NALCN: variants seen among roughly 807,000 people sequenced by gnomAD.
The protein encoded by NALCN is sodium leak channel NALCN.
NALCN carries 111 observed loss-of-function variants against 225.3 expected under a neutral mutation model. The observed-to-expected ratio is 0.49, with a 90% confidence interval of 0.42 to 0.58. The LOEUF is 0.58. NALCN is among the 20% of genes least tolerant of loss of function. NALCN has a pLI of 0.00. For synonymous variants in NALCN, 764 were observed against 769.0 expected, an observed-to-expected ratio of 0.99 and a Z score of 0.11; for missense variants, 1,378 against 2,202.4, an observed-to-expected ratio of 0.63 and a Z score of 7.49.
intron 12 of NALCN, among the ~76,000 whole-genome samples, chr13:101,233,837 C>A (rs999003129): frequency 6.6e-6 from 1 of 152,146 alleles, no homozygotes; most frequent in African/African-American, 2.4e-5. Flanking sequence ...AGGATGATAC[C>A]GATATGTAAG....
At chr13:101,123,805 T>C (rs1461961264) in intron 18 of NALCN, among the ~76,000 whole-genome samples, 3 of 152,206 alleles carry the variant, frequency 2.0e-5, no homozygotes, top group Non-Finnish European at 4.4e-5. Flanking sequence ...TATAGTAATA[T>C]GCATTCTGGA....
intron 12 of NALCN, among the ~76,000 whole-genome samples, chr13:101,235,352 A>C (rs1254927887): frequency 6.6e-6 from 1 of 152,200 alleles, no homozygotes; most frequent in Non-Finnish European, 1.5e-5. Context: ...TAAGGCCCTG[A>C]ATATATTTTA....
intron 13 of NALCN, among the ~76,000 whole-genome samples, chr13:101,194,047 T>A (rs2140011821): frequency 6.6e-6 from 1 of 152,260 alleles, no homozygotes; most frequent in African/African-American, 2.4e-5. Flanking sequence ...TATTTTGGTA[T>A]CTGGAGACTA....
chr13:101,304,785 C>A (rs2044099198), intron 7 of NALCN, among the ~76,000 whole-genome samples: 2 of 120,304 alleles, frequency 1.7e-5, no homozygotes, highest in African/African-American at 6.6e-5. Flanking sequence ...GAGACGGAAT[C>A]TTGCTCTGTT....
chr13:101,354,404 AC>A (rs1418195289), intron 6 of NALCN, among the ~76,000 whole-genome samples: 1 of 152,112 alleles, frequency 6.6e-6, no homozygotes, highest in East Asian at 1.9e-4. Flanking sequence ...TCAGCTCCAA[AC>A]TGAAATGTGA....
intron 3 of NALCN, among the ~76,000 whole-genome samples, chr13:101,385,374 G>A (rs2046958614): frequency 6.6e-6 from 1 of 151,774 alleles, no homozygotes; most frequent in Non-Finnish European, 1.5e-5. Flanking sequence ...AGACAGTTTT[G>A]GTCCTTTTCT....
At chr13:101,142,928 T>C in intron 17 of NALCN, 152 bp downstream of exon 17, 1 of 1,120,828 alleles carries the variant, frequency 8.9e-7, no homozygotes, top group Non-Finnish European at 1.3e-6. Flanking sequence ...GTAAAAAATG[T>C]TAGGTTTCAT....
intron 7 of NALCN, among the ~76,000 whole-genome samples, chr13:101,305,296 T>C (rs973886379): frequency 6.6e-6 from 1 of 152,200 alleles, no homozygotes; most frequent in Non-Finnish European, 1.5e-5. Flanking sequence ...GGTGGTTACT[T>C]ATTGGTTGGA....
chr13:101,229,228 G>A (rs1424278656), intron 13 of NALCN, among the ~76,000 whole-genome samples, 165 bp downstream of exon 13: 1 of 152,024 alleles, frequency 6.6e-6, no homozygotes, highest in African/African-American at 2.4e-5. Context: ...TCAAACACCT[G>A]CACCCTGCAG....
chr13:101,124,571 T>G, intron 18 of NALCN, 37 bp downstream of exon 18: 1 of 1,547,908 alleles, frequency 6.5e-7, no homozygotes, highest in Non-Finnish European at 8.9e-7. Flanking sequence ...ATAATCCCAC[T>G]TGTGTTTAAA....
intron 3 of NALCN, among the ~76,000 whole-genome samples, chr13:101,387,248 A>AC (rs2047022389): frequency 2.0e-5 from 3 of 150,734 alleles, no homozygotes; most frequent in Non-Finnish European, 3.0e-5. Context: ...AAAAAAAAAA[A>AC]AAAAAACAGG....
chr13:101,283,833 T>A, intron 10 of NALCN, 100 bp downstream of exon 10: 1 of 1,013,310 alleles, frequency 9.9e-7, no homozygotes, highest in South Asian at 2.0e-5. Flanking sequence ...GATTTTAAAT[T>A]TGGACAAATC....
chr13:101,145,048 C>T (rs1358438518), intron 15 of NALCN, 152 bp from the exon 16 acceptor site: 8 of 745,598 alleles, frequency 1.1e-5, no homozygotes, highest in African/African-American at 9.1e-5. Flanking sequence ...CTCTCTTGCC[C>T]GCCATAAATT....
chr13:101,055,247 T>C lies in NALCN; in HGVS notation c.*48A>G, dbSNP rs1216349286. ...GCTCACTGGACAATCAAGGACATTATTAGAAAACGGTTTCCACCACTAGAA... is the reference window on the plus strand; with the variant it reads ...GCTCACTGGACAATCAAGGACATTACTAGAAAACGGTTTCCACCACTAGAA... On this transcript the variant is annotated 3_prime_UTR_variant, in exon 44 of 44. Coordinates refer to ENST00000251127, the MANE Select transcript of NALCN (RefSeq NM_052867.4). The C allele has an allele frequency of 1.4e-6, 2 of 1,466,368 alleles. No homozygotes were observed. The highest frequency in any genetic ancestry group is 1.9e-6 in the Non-Finnish European group (2 of 1,058,032). 90.8% of individuals were successfully genotyped at this position (1,466,368 alleles called of 1,614,324 possible). A position where few individuals can be genotyped will look rare whatever the true frequency, so the allele number is the denominator to read the frequency against.
intron 13 of NALCN, among the ~76,000 whole-genome samples, chr13:101,198,119 G>GAATCTCATACA (rs1178592732): frequency 6.6e-6 from 1 of 151,766 alleles, no homozygotes; most frequent in Non-Finnish European, 1.5e-5. Context: ...AATGTATGAG[G>GAATCTCATACA]AATCTTATGC....
rs543334077 is a variant in NALCN at position 101,184,962 on chromosome 13, C to T, written c.1764+6955G>A. 3.2e-4 allele frequency among the ~76,000 whole-genome samples: 48 copies of T among 149,628 alleles called. No individual in the cohort carries two copies. The Middle Eastern group carries it at 0.01, about 32-fold the overall frequency. ...GAAATTTCACCTTTAATCTTATTTTCTTCTTTGCTGTGAACTTTATTAATA... is the reference window on the plus strand; with the variant it reads ...GAAATTTCACCTTTAATCTTATTTTTTTCTTTGCTGTGAACTTTATTAATA... On this transcript the variant is annotated intron_variant, in intron 14 of 43. Coordinates refer to ENST00000251127, the MANE Select transcript of NALCN (RefSeq NM_052867.4).
intron 37 of NALCN, among the ~76,000 whole-genome samples, chr13:101,070,302 G>C (rs1198554629): frequency 6.6e-6 from 1 of 151,918 alleles, no homozygotes; most frequent in African/African-American, 2.4e-5. Context: ...TCCTGACCTC[G>C]TGATCCACCC....
At chr13:101,294,696 AG>A (rs1208603838) in intron 7 of NALCN, among the ~76,000 whole-genome samples, 18 of 150,858 alleles carry the variant, frequency 1.2e-4, no homozygotes, top group African/African-American at 3.9e-4. Flanking sequence ...TAGTTTAGTG[AG>A]GGATTTAGAG....
At chr13:101,320,038 C>G (rs546966512) in intron 7 of NALCN, among the ~76,000 whole-genome samples, 135 of 152,292 alleles carry the variant, frequency 8.9e-4, no homozygotes, top group African/African-American at 3.1e-3. Flanking sequence ...CATCTCATGT[C>G]TCACTCCTGG....
Sources: gnomAD v4.1 joint callset for allele counts (sites outside exome capture counted in the v4.1 genomes callset) on GRCh38, gnomAD v4.1.1 for gene constraint, MANE v1.5 for transcripts, NCBI Gene and HGNC (gene_info 2026-07-23, HGNC 2026-07-21) for gene names.